The following KIAA0319L variants were observed in gnomAD, a reference collection of about 807,000 sequenced individuals.
KIAA0319L encodes the protein KIAA0319 like, also known as dyslexia-associated protein KIAA0319-like protein.
Under a neutral mutation model 120.1 loss-of-function variants are expected in KIAA0319L, and 55 were observed. That is an observed-to-expected ratio of 0.46 (90% CI 0.37 to 0.57). KIAA0319L has a LOEUF of 0.57. Among genes scored for constraint, KIAA0319L ranks in the 20% least tolerant of loss-of-function variants. KIAA0319L has a pLI of 0.00. For missense variants in KIAA0319L, 1,049 were observed against 1,255.3 expected, an observed-to-expected ratio of 0.84 and a Z score of 2.48; for synonymous variants, 398 against 471.9, an observed-to-expected ratio of 0.84 and a Z score of 2.03.
chr1:35,502,868 A>T (rs567920612), intron 3 of KIAA0319L, among the ~76,000 whole-genome samples: 1 of 152,268 alleles, frequency 6.6e-6, no homozygotes. Context: ...TTCCTTCTGT[A>T]CAAACTACCT....
chr1:35,475,319 T>C (rs1208960121), intron 4 of KIAA0319L, among the ~76,000 whole-genome samples: 1 of 152,128 alleles, frequency 6.6e-6, no homozygotes, highest in East Asian at 1.9e-4. Context: ...AGAGTTCAAA[T>C]CCTGTTTCAA....
chr1:35,477,206 G>C (rs546271370), intron 4 of KIAA0319L, among the ~76,000 whole-genome samples: 1 of 152,160 alleles, frequency 6.6e-6, no homozygotes, highest in East Asian at 1.9e-4. Flanking sequence ...TTAATAACCA[G>C]AATATATAAA....
chr1:35,463,374 G>A (rs1033940036), intron 7 of KIAA0319L, among the ~76,000 whole-genome samples: 1 of 152,222 alleles, frequency 6.6e-6, no homozygotes, highest in African/African-American at 2.4e-5. Context: ...AGCCAAGCCT[G>A]ACTAGAAGCA....
At chr1:35,482,205 G>C (rs1438820352) in intron 3 of KIAA0319L, among the ~76,000 whole-genome samples, 4 of 151,554 alleles carry the variant, frequency 2.6e-5, no homozygotes, top group African/African-American at 9.7e-5. Flanking sequence ...TTTTGAGAGG[G>C]GCAGTCTGGC....
In KIAA0319L at chr1:35,484,783, TA is replaced by T. The variant is rs1558438841; in HGVS notation, c.667-5572del. ...GTTTTTAATCATATATATATATATATATATATATATATATATATATATATTT... is the reference window on the plus strand; with the variant it reads ...GTTTTTAATCATATATATATATATATTATATATATATATATATATATATTT... On this transcript the variant is annotated intron_variant, in intron 3 of 20. Transcript: ENST00000325722. Among the ~76,000 whole-genome samples, 13 of 56,256 alleles carry T rather than the reference TA, an allele frequency of 2.3e-4. 1 individual carries two copies. Among genetic ancestry groups the T allele is most frequent in the Admixed American group, 1.8e-3 (8 of 4,548 alleles). The allele number at this position is 56,256 out of a possible 152,430, so 36.9% of individuals were successfully genotyped here.
chr1:35,457,689 ATGTAGTT>A (rs1642581550), intron 9 of KIAA0319L, among the ~76,000 whole-genome samples: 1 of 152,136 alleles, frequency 6.6e-6, no homozygotes, highest in African/African-American at 2.4e-5. Flanking sequence ...TAGAAAAGAC[ATGTAGTT>A]TGTTTAAATC....
intron 2 of KIAA0319L, among the ~76,000 whole-genome samples, chr1:35,515,248 G>A (rs1029492088): frequency 6.6e-6 from 1 of 151,440 alleles, no homozygotes; most frequent in Non-Finnish European, 1.5e-5. Flanking sequence ...GGAGGCAGAG[G>A]CTGTAGTGAG....
Position 35,462,671 on chromosome 1 carries a change from T to G in KIAA0319L, c.1244A>C (p.Gln415Pro). The G allele has an allele frequency of 6.2e-7, 1 of 1,614,150 alleles. No homozygotes were observed. The highest frequency in any genetic ancestry group is 8.5e-7 in the Non-Finnish European group (1 of 1,179,990). Residue 415 changes from glutamine (Q) to proline (P), a missense_variant, in exon 8 of 21, where the codon CAG (glutamine) becomes CCG (proline). Physicochemically the swap from Gln to Pro is moderately conservative, Grantham distance 76. Coordinates refer to ENST00000325722, the MANE Select transcript of KIAA0319L (RefSeq NM_024874.5). ...NRPPIAIVSP[Q>P]FQEISLPTTS... The stretch of plus-strand genomic sequence containing the variant: ...GGTTGGCAAAGAGATCTCCTGGAAC[T>G]GAGGTGACACAATAGCAATGGGGGG...
intron 7 of KIAA0319L, among the ~76,000 whole-genome samples, chr1:35,465,479 T>C (rs547955257): frequency 3.9e-5 from 6 of 152,344 alleles, no homozygotes; most frequent in South Asian, 2.1e-4. Flanking sequence ...TGTACCCCCA[T>C]TGTACCTAGG....
chr1:35,465,524 A>C (rs1643195744), intron 7 of KIAA0319L, among the ~76,000 whole-genome samples: 1 of 152,214 alleles, frequency 6.6e-6, no homozygotes, highest in Non-Finnish European at 1.5e-5. Context: ...ACAGGCTCAT[A>C]GGCAGAATCG....
Position 35,453,425 on chromosome 1 carries a change from G to T in KIAA0319L, c.1913+132C>A. The T allele has an allele frequency of 2.7e-6, 2 of 743,966 alleles. No homozygotes were observed. The highest frequency in any genetic ancestry group is 4.4e-6 in the Non-Finnish European group (2 of 457,140). The allele number at this position is 743,966 out of a possible 1,614,324, so 46.1% of individuals were successfully genotyped here. On this transcript the variant is annotated intron_variant, in intron 12 of 20. Coordinates refer to ENST00000325722, the MANE Select transcript of KIAA0319L (RefSeq NM_024874.5). The surrounding 1 kb of genome is among the most constrained non-coding windows in gnomAD (Gnocchi z 4.1). ...TTTCTTGGAGTTGAAGTTTGGAATT[G>T]CAAACATTTCTTCCTCAGTCACCCC... is the stretch of plus-strand genomic sequence containing the variant.
chr1:35,522,018 G>A (rs1162869872), intron 2 of KIAA0319L, among the ~76,000 whole-genome samples: 4 of 151,880 alleles, frequency 2.6e-5, no homozygotes, highest in Non-Finnish European at 5.9e-5. Context: ...GAAGATCCAT[G>A]CAACCGCTAA....
chr1:35,523,418 T>G (rs1646003520), intron 2 of KIAA0319L, among the ~76,000 whole-genome samples: 1 of 152,192 alleles, frequency 6.6e-6, no homozygotes, highest in Non-Finnish European at 1.5e-5. Flanking sequence ...AATGCATAAA[T>G]AAATGCATAT....
chr1:35,533,054 G>A (rs1000893604), intron 2 of KIAA0319L: 1 of 152,196 alleles, frequency 6.6e-6, no homozygotes, highest in South Asian at 2.1e-4. Context: ...AAGTAGCAGA[G>A]TGGAAAAGTC....
intron 10 of KIAA0319L, among the ~76,000 whole-genome samples, chr1:35,455,406 G>C (rs1642365824): frequency 1.3e-5 from 2 of 152,044 alleles, no homozygotes; most frequent in South Asian, 4.1e-4. Context: ...CTCTTCTTAA[G>C]CATCTCTAGA....
intron 7 of KIAA0319L, among the ~76,000 whole-genome samples, chr1:35,465,450 G>T (rs12072736): frequency 6.6e-6 from 1 of 152,138 alleles, no homozygotes; most frequent in African/African-American, 2.4e-5. Context: ...CATTTGGAAC[G>T]GCTATATTTA....
chr1:35,539,445 A>G (rs950812638), intron 2 of KIAA0319L, among the ~76,000 whole-genome samples: 4 of 152,240 alleles, frequency 2.6e-5, no homozygotes, highest in African/African-American at 7.2e-5. Context: ...TGAAAAGTCC[A>G]TTGTGAGAAA....
rs1462848025 is a variant in KIAA0319L, at chr1:35,554,535, G to C, written c.-28-16C>G. On this transcript the variant is annotated splice_polypyrimidine_tract_variant and intron_variant, in intron 1 of 20. Coordinates refer to ENST00000325722, the MANE Select transcript of KIAA0319L (RefSeq NM_024874.5). ...AACCAGTACACTAGAAGGACAGAAA[G>C]AGAAGAAATTACATGCCGAGTAATT... The C allele has an allele frequency of 2.7e-6, 4 of 1,474,566 alleles. No homozygotes were observed. Among genetic ancestry groups the C allele is most frequent in the African/African-American group, 1.4e-5 (1 of 70,026 alleles). The allele number at this position is 1,474,566 out of a possible 1,614,324, so 91.3% of individuals were successfully genotyped here.
intron 17 of KIAA0319L, 121 bp from the exon 18 acceptor site, chr1:35,443,149 G>T: frequency 8.3e-7 from 1 of 1,197,910 alleles, no homozygotes; most frequent in Non-Finnish European, 1.2e-6. Context: ...AAATGTCCTC[G>T]AGACCCACCT....
Sources: gnomAD v4.1 joint callset for allele counts (sites outside exome capture counted in the v4.1 genomes callset) on GRCh38, gnomAD v4.1.1 for gene constraint, Gnocchi (gnomAD v3.1) non-coding constraint, MANE v1.5 for transcripts, NCBI Gene and HGNC (gene_info 2026-07-23, HGNC 2026-07-21) for gene names.